NUP210L: variants seen among roughly 807,000 people sequenced by gnomAD.
The protein encoded by NUP210L is nuclear pore membrane glycoprotein 210-like.
Under a neutral mutation model 208.5 loss-of-function variants are expected in NUP210L, and 74 were observed. The ratio of observed to expected loss-of-function variants is 0.35; its 90% CI spans 0.29 to 0.43. The LOEUF (loss-of-function observed/expected upper bound fraction) is 0.43. NUP210L is among the 20% of genes least tolerant of loss of function. The pLI, the probability that NUP210L is intolerant of heterozygous loss-of-function variation, is 1.00. For missense variants in NUP210L, 1,843 were observed against 2,289.4 expected, an observed-to-expected ratio of 0.81 and a Z score of 3.98; for synonymous variants, 780 against 816.9, an observed-to-expected ratio of 0.95 and a Z score of 0.77.
At chr1:154,127,553 C>CTT (rs10531787) in intron 8 of NUP210L, 136 bp from the exon 9 acceptor site, 43 of 184,742 alleles carry the variant, frequency 2.3e-4, no homozygotes, top group South Asian at 4.6e-4. Context: ...AAAGTAGGTT[C>CTT]TTTTTTTTTT....
In NUP210L at chr1:154,010,136, A is replaced by G; in HGVS notation, c.4781-15T>C. The G allele has an allele frequency of 3.1e-6, 5 of 1,604,254 alleles. No homozygotes were observed. Among genetic ancestry groups the G allele is most frequent in the Non-Finnish European group, 4.2e-6 (5 of 1,176,564 alleles). ...GGTACAGAATCCTGAAAAGCAGAAA[A>G]GAGGTAAATAGCTTTGTCACTAACA... On this transcript the variant is annotated splice_polypyrimidine_tract_variant and intron_variant, in intron 34 of 39. Coordinates refer to ENST00000368559, the Ensembl canonical transcript of NUP210L.
intron 6 of NUP210L, 107 bp from the exon 7 acceptor site, chr1:154,136,079 A>G: frequency 1.3e-6 from 1 of 756,804 alleles, no homozygotes; most frequent in Non-Finnish European, 2.2e-6. Flanking sequence ...ATAAAATAAG[A>G]GTATGATCTG....
chr1:154,137,639 C>T (rs1658615062), intron 6 of NUP210L, among the ~76,000 whole-genome samples: 1 of 151,764 alleles, frequency 6.6e-6, no homozygotes, highest in Non-Finnish European at 1.5e-5. Flanking sequence ...CACTTGAGCA[C>T]AGGAGTTCAA....
chr1:154,028,968 G>A (rs932318917), intron 28 of NUP210L, among the ~76,000 whole-genome samples: 18 of 150,526 alleles, frequency 1.2e-4, no homozygotes, highest in Admixed American at 8.0e-4. Flanking sequence ...GGTGGTGCAC[G>A]CCTGTAATCC....
intron 11 of NUP210L, 132 bp from the exon 12 acceptor site, chr1:154,118,012 A>C: frequency 3.0e-6 from 2 of 677,246 alleles, no homozygotes; most frequent in South Asian, 4.1e-5. Context: ...TGGACACATT[A>C]GAAACTGTGA....
chr1:154,003,013 T>TC (rs1650307872), intron 35 of NUP210L, among the ~76,000 whole-genome samples: 1 of 150,670 alleles, frequency 6.6e-6, no homozygotes, highest in East Asian at 2.0e-4. Flanking sequence ...AGCTGTCTTT[T>TC]TTTTTTTTTT....
chr1:154,002,019 G>C (rs764900718), intron 35 of NUP210L, 34 bp from the exon 36 acceptor site: 26 of 1,604,218 alleles, frequency 1.6e-5, no homozygotes, highest in Non-Finnish European at 2.0e-5. Context: ...GAGCAGGAAG[G>C]TTCAGAGGCT....
At chr1:154,100,175 C>A (rs370246174) in intron 13 of NUP210L, 32 bp from the exon 14 acceptor site, 2 of 1,610,350 alleles carry the variant, frequency 1.2e-6, no homozygotes, top group Non-Finnish European at 1.7e-6. Flanking sequence ...TTTGGCAGGG[C>A]GTGGTGGCTC....
chr1:154,005,374 G>A (rs879337896), intron 35 of NUP210L, among the ~76,000 whole-genome samples: 10 of 148,004 alleles, frequency 6.8e-5, no homozygotes, highest in Non-Finnish European at 1.3e-4. Context: ...CCCAAGTAGC[G>A]TGAGCCACCA....
At chr1:154,141,947 A>G (rs1183936337) in intron 3 of NUP210L, among the ~76,000 whole-genome samples, 1 of 152,110 alleles carries the variant, frequency 6.6e-6, no homozygotes, top group African/African-American at 2.4e-5. Context: ...GGATCGCTGG[A>G]ACCCAGGAGT....
chr1:154,092,584 A>G (rs1655989785), intron 15 of NUP210L, among the ~76,000 whole-genome samples: 1 of 146,246 alleles, frequency 6.8e-6, no homozygotes, highest in Non-Finnish European at 1.5e-5. Flanking sequence ...ATGGGGTTTC[A>G]TCATGTTGGC....
rs1353970081 is a variant in NUP210L, at chr1:154,012,225, C to T, written c.4780+19G>A. ...AGAAAGATAGGAACAATCACTGAAA[C>T]CATGAAGAGATTCCTGACCTTTAAG... On this transcript the variant is annotated intron_variant, in intron 34 of 39. Coordinates refer to ENST00000368559, the Ensembl canonical transcript of NUP210L. The T allele has an allele frequency of 1.2e-6, 2 of 1,611,220 alleles. No homozygotes were observed. Among genetic ancestry groups the T allele is most frequent in the Admixed American group, 1.7e-5 (1 of 59,336 alleles).
chr1:154,140,666 C>CAAAAAAAAAAAAAAAAAA lies in NUP210L; in HGVS notation c.567-715_567-714insTTTTTTTTTTTTTTTTTT, dbSNP rs1434093544. ...TGAGTGACAGAGCAAGACTCCATCT[C>CAAAAAAAAAAAAAAAAAA]AAAAAAAAAAACAGAAAAAGAAAAG... is the stretch of plus-strand genomic sequence containing the variant. On this transcript the variant is annotated intron_variant, in intron 4 of 39. Transcript: ENST00000368559. 1.5e-3 allele frequency among the ~76,000 whole-genome samples: 153 copies of CAAAAAAAAAAAAAAAAAA among 102,454 alleles called. 9 individuals are homozygous for CAAAAAAAAAAAAAAAAAA. The highest frequency in any genetic ancestry group is 2.7e-3 in the Non-Finnish European group (122 of 45,220). 67.2% of individuals were successfully genotyped at this position (102,454 alleles called of 152,430 possible).
At chr1:154,036,049 A>T (rs1652524927) in intron 27 of NUP210L, among the ~76,000 whole-genome samples, 1 of 150,756 alleles carries the variant, frequency 6.6e-6, no homozygotes, top group Admixed American at 6.6e-5. Flanking sequence ...CTTTTTTCTT[A>T]GTACTGCTTT....
chr1:153,998,157 T>C (rs1453344221), intron 37 of NUP210L, among the ~76,000 whole-genome samples: 1 of 152,198 alleles, frequency 6.6e-6, no homozygotes, highest in Non-Finnish European at 1.5e-5. Context: ...GTCAATGAAT[T>C]CTGTTGGTGA....
Position 154,122,423 on chromosome 1 carries a change from G to A in NUP210L, c.1327-3615C>T, listed in dbSNP as rs564324266. 4.9e-4 allele frequency among the ~76,000 whole-genome samples: 74 copies of A among 152,188 alleles called. 1 individual carries two copies. Among genetic ancestry groups the A allele is most frequent in the Non-Finnish European group, 8.4e-4 (57 of 68,010 alleles). On this transcript the variant is annotated intron_variant, in intron 10 of 39. Transcript: ENST00000368559. Reference sequence around the variant, plus strand: ...TGTAATCCCAGCACTTTGGGAGGCCGAGGCAGGCAGATCATGAGGTCAGGA... The same window carrying A: ...TGTAATCCCAGCACTTTGGGAGGCCAAGGCAGGCAGATCATGAGGTCAGGA...
chr1:154,041,031 C>T (rs1053762191), intron 27 of NUP210L, among the ~76,000 whole-genome samples: 14 of 152,134 alleles, frequency 9.2e-5, no homozygotes, highest in African/African-American at 2.9e-4. Flanking sequence ...GTGGTGCAAA[C>T]GCAGCTTACT....
rs1047994097 is a variant in NUP210L at position 154,071,796 on chromosome 1, C to T, written c.2362-1331G>A. 8.6e-5 allele frequency among the ~76,000 whole-genome samples: 13 copies of T among 151,848 alleles called. No homozygotes were observed. The South Asian group carries it at 1.9e-3, about 22-fold the overall frequency. On this transcript the variant is annotated intron_variant, in intron 16 of 39. Coordinates refer to ENST00000368559, the Ensembl canonical transcript of NUP210L. ...GATTACAGGTACGTGCCACTATGCC[C>T]GGCTAATTTTTTTGTATTTTTAGTA...
At chr1:154,141,554 A>G (rs776405693) in intron 3 of NUP210L, 30 bp from the exon 4 acceptor site, 1 of 1,277,570 alleles carries the variant, frequency 7.8e-7, no homozygotes, top group Non-Finnish European at 1.1e-6. Flanking sequence ...CAGACAAGAT[A>G]GGATCACGTA....
Sources: allele counts gnomAD v4.1 joint callset (sites outside exome capture counted in the v4.1 genomes callset), GRCh38; gene constraint gnomAD v4.1.1; transcripts MANE v1.5; gene names NCBI Gene and HGNC (gene_info 2026-07-23, HGNC 2026-07-21).